The following TBCK variants were observed in gnomAD, a reference collection of about 807,000 sequenced individuals.
The protein encoded by TBCK is TBC domain-containing protein kinase-like protein.
TBCK carries 99 observed loss-of-function variants against 113.4 expected under a neutral mutation model. That is an observed-to-expected ratio of 0.87 (90% CI 0.74 to 1.03). TBCK has a LOEUF of 1.03. Ranked by LOEUF, TBCK falls within the 50% of genes least tolerant of loss-of-function variation. The pLI, the probability that TBCK is intolerant of heterozygous loss-of-function variation, is 0.00. For synonymous variants in TBCK, 369 were observed against 370.8 expected (o/e 1.00, Z 0.05); for missense variants, 1,045 against 1,061.3 (o/e 0.98, Z 0.21).
chr4:106,310,013 G>A (rs1168037544), intron 1 of TBCK: 1 of 151,882 alleles, frequency 6.6e-6, no homozygotes, highest in Non-Finnish European at 1.5e-5. Flanking sequence ...ATCACATTAA[G>A]GCAACCATAA....
intron 3 of TBCK, among the ~76,000 whole-genome samples, chr4:106,284,911 G>A (rs996551298): frequency 4.6e-5 from 7 of 152,098 alleles, no homozygotes; most frequent in African/African-American, 1.7e-4. Context: ...TCTTGCTTTA[G>A]GGTAGCATTA....
At chr4:106,255,497 G>C (rs1761889296) in intron 5 of TBCK, among the ~76,000 whole-genome samples, 2 of 152,224 alleles carry the variant, frequency 1.3e-5, no homozygotes, top group Non-Finnish European at 2.9e-5. Flanking sequence ...CTGGCTTCCT[G>C]CAAGGCTGTG....
At chr4:106,060,207 A>G (rs1212741450) in intron 25 of TBCK, among the ~76,000 whole-genome samples, 1 of 151,788 alleles carries the variant, frequency 6.6e-6, no homozygotes, top group Non-Finnish European at 1.5e-5. Flanking sequence ...CACTAAACAG[A>G]TTTTCAATGC....
In TBCK at chr4:106,043,357, T is replaced by C. The variant is rs1051745528; in HGVS notation, c.*3213A>G. 3.9e-5 allele frequency: 6 copies of C among 152,192 alleles called. No individual in the cohort carries two copies. The highest frequency in any genetic ancestry group is 5.9e-5 in the Non-Finnish European group (4 of 68,030). The allele number at this position is 152,192 out of a possible 1,614,324, so 9.4% of individuals were successfully genotyped here. On this transcript the variant is annotated 3_prime_UTR_variant, in exon 26 of 26. Transcript: ENST00000394708. ...GAATTGAGATTTCAATTTATTTCTA[T>C]ACTATCAGGTACCAGATAAGTTTGG... is the stretch of plus-strand genomic sequence containing the variant.
intron 25 of TBCK, among the ~76,000 whole-genome samples, chr4:106,072,710 C>G (rs1737623059): frequency 6.6e-6 from 1 of 152,168 alleles, no homozygotes; most frequent in Non-Finnish European, 1.5e-5. Flanking sequence ...TGGTTCCATT[C>G]TCCCTGTCAC....
At chr4:106,086,670 G>A (rs2149500135) in intron 25 of TBCK, among the ~76,000 whole-genome samples, 1 of 152,294 alleles carries the variant, frequency 6.6e-6, no homozygotes. Flanking sequence ...GAACATTGAT[G>A]AGAAAATCCT....
At chr4:106,247,577 T>A (rs1421525525) in intron 9 of TBCK, 2 of 237,810 alleles carry the variant, frequency 8.4e-6, no homozygotes, top group Non-Finnish European at 1.6e-5. Context: ...AGCATTCACC[T>A]GCTTTACTGA....
chr4:106,257,382 TA>T (rs1210905058), intron 5 of TBCK, among the ~76,000 whole-genome samples: 1 of 152,178 alleles, frequency 6.6e-6, no homozygotes, highest in African/African-American at 2.4e-5. Flanking sequence ...TAATATATAT[TA>T]AGTAGGCATT....
At chr4:106,181,909 T>A (rs1416177869) in intron 22 of TBCK, among the ~76,000 whole-genome samples, 1 of 152,168 alleles carries the variant, frequency 6.6e-6, no homozygotes, top group East Asian at 1.9e-4. Flanking sequence ...GAAAAGAAAG[T>A]CATTGGTAGC....
At position 106,061,794 on chromosome 4, in the gene TBCK, C is replaced by T. The variant is rs539893313; in HGVS notation, c.2572-15114G>A. On this transcript the variant is annotated intron_variant, in intron 25 of 25. Transcript: ENST00000394708. ...ACTCCTTTTATAGGAGAGAAATTTA[C>T]AACACTTTGCAAACGCATAGATTCA... Among the ~76,000 whole-genome samples, 4 of 151,812 alleles carry T rather than the reference C, an allele frequency of 2.6e-5. No individual in the cohort carries two copies. In the South Asian group the frequency reaches 8.3e-4, roughly 32 times the overall value.
intron 23 of TBCK, among the ~76,000 whole-genome samples, chr4:106,161,328 C>T (rs545546875): frequency 1.3e-5 from 2 of 152,036 alleles, no homozygotes; most frequent in East Asian, 3.9e-4. Flanking sequence ...TTAGAGCAAC[C>T]AGTATTAGAA....
intron 25 of TBCK, among the ~76,000 whole-genome samples, chr4:106,060,003 T>C (rs2149458921): frequency 6.6e-6 from 1 of 151,834 alleles, no homozygotes; most frequent in Non-Finnish European, 1.5e-5. Context: ...AGCCAGGCCT[T>C]AGCTCTCCAA....
intron 19 of TBCK, chr4:106,213,657 C>T (rs949207150): frequency 5.8e-5 from 9 of 154,512 alleles, no homozygotes; most frequent in Non-Finnish European, 8.6e-5. Context: ...TGCGCTTTTC[C>T]GACGGGCTTA....
intron 25 of TBCK, among the ~76,000 whole-genome samples, chr4:106,071,241 A>G (rs1737393372): frequency 6.6e-6 from 1 of 152,198 alleles, no homozygotes; most frequent in Non-Finnish European, 1.5e-5. Context: ...ATTTAGTGCT[A>G]TAAATGTCCT....
At chr4:106,107,484 C>A (rs1024964988) in intron 24 of TBCK, among the ~76,000 whole-genome samples, 3 of 152,166 alleles carry the variant, frequency 2.0e-5, no homozygotes, top group Non-Finnish European at 4.4e-5. Flanking sequence ...CAATAAAAAT[C>A]ACTCAAAATC....
At chr4:106,316,410 T>C (rs1358627381), upstream of TBCK, 9 of 783,534 alleles carry the variant, frequency 1.1e-5, no homozygotes, top group East Asian at 2.5e-4. Flanking sequence ...AGGAGCGTGG[T>C]ATGGCAGGTT....
intron 23 of TBCK, among the ~76,000 whole-genome samples, chr4:106,151,016 T>C (rs1435594335): frequency 6.6e-6 from 1 of 151,932 alleles, no homozygotes; most frequent in Non-Finnish European, 1.5e-5. Context: ...TTTATGTATG[T>C]ATGTTTGCTT....
At chr4:106,108,243 C>A (rs1742409551) in intron 24 of TBCK, among the ~76,000 whole-genome samples, 1 of 152,098 alleles carries the variant, frequency 6.6e-6, no homozygotes, top group African/African-American at 2.4e-5. Context: ...GGGACTTATA[C>A]CTAACTCATT....
intron 25 of TBCK, among the ~76,000 whole-genome samples, chr4:106,085,306 C>T (rs777638597): frequency 1.5e-4 from 23 of 150,320 alleles, no homozygotes; most frequent in South Asian, 4.2e-4. Context: ...CAAAACAAAA[C>T]GGGTTGCAAT....
Sources: gnomAD v4.1 joint callset for allele counts (sites outside exome capture counted in the v4.1 genomes callset) on GRCh38, gnomAD v4.1.1 for gene constraint, MANE v1.5 for transcripts, NCBI Gene and HGNC (gene_info 2026-07-23, HGNC 2026-07-21) for gene names.